Variants in INTU observed in about 807,000 individuals in gnomAD.
INTU encodes the protein inturned planar cell polarity protein, also known as protein inturned.
A neutral mutation model predicts 100.5 loss-of-function variants in INTU; 68 were observed. That is an observed-to-expected ratio of 0.68 (90% CI 0.56 to 0.83). The LOEUF (loss-of-function observed/expected upper bound fraction) is 0.83, where lower values mean the gene tolerates loss of function less well. INTU is among the 40% of genes least tolerant of loss of function. INTU has a pLI of 0.00. For synonymous variants in INTU, 357 were observed against 395.7 expected, an observed-to-expected ratio of 0.90 and a Z score of 1.16; for missense variants, 1,071 against 1,114.7, an observed-to-expected ratio of 0.96 and a Z score of 0.56.
intron 2 of INTU, among the ~76,000 whole-genome samples, chr4:127,649,671 G>T (rs537893360): frequency 6.6e-6 from 1 of 152,008 alleles, no homozygotes; most frequent in East Asian, 1.9e-4. Context: ...TTTGGATTTG[G>T]GATACTTAGC....
Position 127,725,613 on chromosome 4 carries a change from G to A in INTU, c.*9177G>A, listed in dbSNP as rs1266185551. On this transcript the variant is annotated 3_prime_UTR_variant, in exon 16 of 16. Transcript: ENST00000335251. ...TTGTTTCATTTAATGAAATTTTGAT[G>A]TGTTGAACTGCTTTCCTGGTGTCAG... 3 of 152,248 alleles carry A rather than the reference G, an allele frequency of 2.0e-5. No homozygotes were observed. The highest frequency in any genetic ancestry group is 2.0e-4 in the Admixed American group (3 of 15,280). The allele number at this position is 152,248 out of a possible 1,614,324, so 9.4% of individuals were successfully genotyped here. A position where few individuals can be genotyped will look rare whatever the true frequency, so the allele number is the denominator to read the frequency against.
chr4:127,700,938 T>C (rs1421899876), intron 9 of INTU, among the ~76,000 whole-genome samples: 1 of 152,148 alleles, frequency 6.6e-6, no homozygotes, highest in Non-Finnish European at 1.5e-5. Context: ...AGCTTCTTTT[T>C]ATGAAAGTAG....
At chr4:127,655,555 C>A (rs1323198852) in intron 2 of INTU, among the ~76,000 whole-genome samples, 1 of 151,586 alleles carries the variant, frequency 6.6e-6, no homozygotes, top group African/African-American at 2.4e-5. Context: ...GGTCAGGGAC[C>A]CACTTGAGGA....
At chr4:127,655,943 C>T (rs1478330040) in intron 2 of INTU, among the ~76,000 whole-genome samples, 15 of 138,698 alleles carry the variant, frequency 1.1e-4, no homozygotes, top group Non-Finnish European at 1.9e-4. Flanking sequence ...TTTTTTAAAC[C>T]GGTCCGAAAA....
intron 4 of INTU, among the ~76,000 whole-genome samples, chr4:127,668,582 T>C (rs1185788627): frequency 6.6e-6 from 1 of 151,832 alleles, no homozygotes; most frequent in Non-Finnish European, 1.5e-5. Context: ...AATATTGTCT[T>C]TTAAAAAATA....
chr4:127,682,270 C>A (rs1729604173), intron 6 of INTU, among the ~76,000 whole-genome samples: 1 of 151,846 alleles, frequency 6.6e-6, no homozygotes, highest in Non-Finnish European at 1.5e-5. Context: ...GCCCAAAGGA[C>A]TATAAATCAT....
chr4:127,647,860 A>G (rs1378876752), intron 2 of INTU, among the ~76,000 whole-genome samples: 1 of 152,168 alleles, frequency 6.6e-6, no homozygotes, highest in Non-Finnish European at 1.5e-5. Context: ...TTGTATATTC[A>G]TTTTATATAT....
rs766856591 is a variant in INTU, at chr4:127,669,173, C to G, written c.1091+19C>G. The G allele has an allele frequency of 5.1e-6, 6 of 1,178,636 alleles. No homozygotes were observed. In the African/African-American group the frequency reaches 9.3e-5, roughly 18 times the overall value. 73.0% of individuals were successfully genotyped at this position (1,178,636 alleles called of 1,614,324 possible). ...TTACTAGGTAATAATTTTTATTTAG[C>G]TTTAATTCTGTTTTTTTCAAGTTCT... On this transcript the variant is annotated intron_variant, in intron 5 of 15. Transcript: ENST00000335251.
rs534868194 is a variant in INTU, at chr4:127,688,147, G to A, written c.1449+280G>A. The stretch of plus-strand genomic sequence containing the variant: ...TAATTAAATGGTGTGTCTTACTTTG[G>A]AATTTTGTGACTTTGATTTTATAAT... On this transcript the variant is annotated intron_variant, in intron 8 of 15. Coordinates refer to ENST00000335251, the MANE Select transcript of INTU (RefSeq NM_015693.4). 4.6e-5 allele frequency among the ~76,000 whole-genome samples: 7 copies of A among 151,016 alleles called. No individual in the cohort carries two copies. In the East Asian group the frequency reaches 1.4e-3, roughly 29 times the overall value.
intron 2 of INTU, among the ~76,000 whole-genome samples, chr4:127,650,844 A>C (rs576824377): frequency 6.6e-4 from 100 of 152,206 alleles, no homozygotes; most frequent in Admixed American, 5.9e-4. Context: ...CCAACAGTGT[A>C]AAAGTGTTCC....
intron 15 of INTU, among the ~76,000 whole-genome samples, chr4:127,714,950 T>C (rs1009049489): frequency 3.9e-5 from 6 of 152,264 alleles, no homozygotes; most frequent in African/African-American, 1.4e-4. Flanking sequence ...AGTCATTGCC[T>C]CTAAGGGCCT....
At chr4:127,699,175 A>C (rs950472606) in intron 8 of INTU, 7 of 152,232 alleles carry the variant, frequency 4.6e-5, no homozygotes, top group African/African-American at 1.7e-4. Context: ...TCTCAAAAAA[A>C]AGGGATTCTT....
intron 2 of INTU, among the ~76,000 whole-genome samples, chr4:127,655,682 C>G (rs1001293365): frequency 8.6e-5 from 13 of 151,588 alleles, no homozygotes; most frequent in East Asian, 3.9e-4. Context: ...TTTTGTTTGT[C>G]TGTGCCCTGC....
chr4:127,683,363 T>G (rs2126226719), intron 6 of INTU, among the ~76,000 whole-genome samples: 1 of 152,332 alleles, frequency 6.6e-6, no homozygotes, highest in South Asian at 2.1e-4. Flanking sequence ...TTCTATCTCA[T>G]TTCACATAAC....
intron 3 of INTU, among the ~76,000 whole-genome samples, chr4:127,662,589 C>A (rs930123992): frequency 1.3e-5 from 2 of 152,078 alleles, no homozygotes; most frequent in African/African-American, 4.8e-5. Flanking sequence ...TACTTCATCC[C>A]TAAGTACTTT....
rs1731381748 is a variant in INTU, at chr4:127,723,839, A to G, written c.*7403A>G. 6.6e-6 allele frequency: 1 copy of G among 151,252 alleles called. No individual in the cohort carries two copies. The highest frequency in any genetic ancestry group is 1.5e-5 in the Non-Finnish European group (1 of 67,866). 9.4% of individuals were successfully genotyped at this position (151,252 alleles called of 1,614,324 possible). On this transcript the variant is annotated 3_prime_UTR_variant, in exon 16 of 16. Coordinates refer to ENST00000335251, the MANE Select transcript of INTU (RefSeq NM_015693.4). ...ACCAAAATTAGCCGGGTGTGGTAGCACTCTCTTTTAACAGTCCCAGATACC... is the reference window on the plus strand; with the variant it reads ...ACCAAAATTAGCCGGGTGTGGTAGCGCTCTCTTTTAACAGTCCCAGATACC...
At chr4:127,657,320 G>A (rs1166658349) in intron 3 of INTU, among the ~76,000 whole-genome samples, 1 of 151,976 alleles carries the variant, frequency 6.6e-6, no homozygotes, top group Non-Finnish European at 1.5e-5. Flanking sequence ...CAGTTATTAG[G>A]GGTATTTTGC....
chr4:127,643,931 T>C lies in INTU; in HGVS notation c.557T>C (p.Val186Ala), dbSNP rs772174482. 1 of 1,614,098 alleles carries C rather than the reference T, an allele frequency of 6.2e-7. No homozygotes were observed. The highest frequency in any genetic ancestry group is 1.1e-5 in the South Asian group (1 of 91,074). Residue 186 changes from valine (V) to alanine (A), a missense_variant, in exon 2 of 16, where the codon GTT becomes GCT. By Grantham distance (64) the Val-to-Ala change is moderately conservative. Transcript: ENST00000335251. ...CAGCTCAAGCTTCTGGAAGTGCTGG[T>C]TGGAATTATTCATCAGACCAAGTGG... ...KEQLKLLEVL[V>A]GIIHQTKWSW...
intron 2 of INTU, among the ~76,000 whole-genome samples, chr4:127,645,378 C>T (rs1328774328): frequency 6.6e-6 from 1 of 152,090 alleles, no homozygotes; most frequent in Non-Finnish European, 1.5e-5. Context: ...ATAGCCCCAA[C>T]TGAAGCCCTC....
Sources: allele counts gnomAD v4.1 joint callset (sites outside exome capture counted in the v4.1 genomes callset), GRCh38; gene constraint gnomAD v4.1.1; transcripts MANE v1.5; gene names NCBI Gene and HGNC (gene_info 2026-07-23, HGNC 2026-07-21).